Variants in NLRC5 observed in about 807,000 individuals in gnomAD.
NLRC5 encodes the protein NLR family CARD domain containing 5.
NLRC5 carries 114 observed loss-of-function variants against 206.9 expected under a neutral mutation model. The observed-to-expected ratio is 0.55, with a 90% CI of 0.47 to 0.64. The LOEUF (loss-of-function observed/expected upper bound fraction) is 0.64. Among genes scored for constraint, NLRC5 ranks in the 30% least tolerant of loss-of-function variants. NLRC5 has a pLI of 0.00. For synonymous variants in NLRC5, 952 were observed against 962.8 expected, an observed-to-expected ratio of 0.99 and a Z score of 0.21; for missense variants, 2,008 against 2,305.5, an observed-to-expected ratio of 0.87 and a Z score of 2.64.
In NLRC5 at chr16:57,070,048, A is replaced by G. The variant is rs2067462664; in HGVS notation, c.4583+129A>G. The G allele has an allele frequency of 8.8e-5, 65 of 741,044 alleles. 2 individuals carry two copies. The South Asian group carries it at 1.0e-3, about 12-fold the overall frequency. The allele number at this position is 741,044 out of a possible 1,614,324, so 45.9% of individuals were successfully genotyped here. On this transcript the variant is annotated intron_variant, in intron 37 of 48. Transcript: ENST00000688547. The stretch of plus-strand genomic sequence containing the variant: ...AATGACCCTTCCCCTGATGAAGTGC[A>G]GCAGTTCTGGGTGTGGCCTGGGGAA...
intron 38 of NLRC5, chr16:57,074,374 G>T: frequency 2.1e-6 from 1 of 469,912 alleles, no homozygotes; most frequent in South Asian, 2.6e-5. Flanking sequence ...CTTGGTCCAT[G>T]TGGTTCAGAA....
chr16:57,039,123 G>A (rs2062969606), intron 15 of NLRC5, among the ~76,000 whole-genome samples: 1 of 152,104 alleles, frequency 6.6e-6, no homozygotes, highest in African/African-American at 2.4e-5. Context: ...AAAATGGAAG[G>A]TTTGAAGGAC....
rs140406847 is a variant in NLRC5, at chr16:57,055,466, C to T, written c.3693C>T (p.His1231=). 17 of 1,613,772 alleles carry T rather than the reference C, an allele frequency of 1.1e-5. No individual in the cohort carries two copies. The highest frequency in any genetic ancestry group is 1.6e-4 in the Middle Eastern group (1 of 6,082). ...RFTGCSLSQE[H]VESLCWLLSK... is the part of the protein sequence containing the mutation. ...CAGGCTGCAGCCTCAGCCAGGAGCA[C>T]GTAGAGTCACTCTGCTGGTTGCTGA... Residue 1231 remains histidine (H), a synonymous_variant, in exon 27 of 49, where the codon CAC becomes CAT. Coordinates refer to ENST00000688547, the MANE Select transcript of NLRC5 (RefSeq NM_001384950.1).
chr16:56,993,692 A>T (rs2057239042), intron 1 of NLRC5, among the ~76,000 whole-genome samples: 1 of 152,160 alleles, frequency 6.6e-6, no homozygotes, highest in Admixed American at 6.6e-5. Flanking sequence ...CTTTTCAAAT[A>T]TTTAAGAGTC....
At chr16:57,002,806 A>G (rs1353211097) in intron 1 of NLRC5, among the ~76,000 whole-genome samples, 1 of 151,900 alleles carries the variant, frequency 6.6e-6, no homozygotes, top group African/African-American at 2.4e-5. Flanking sequence ...CACTACGCCC[A>G]GCTAATTTTT....
chr16:57,011,468 T>C (rs1263337537), intron 1 of NLRC5, among the ~76,000 whole-genome samples: 4 of 151,544 alleles, frequency 2.6e-5, no homozygotes, highest in Non-Finnish European at 5.9e-5. Flanking sequence ...ACGCCTGTAA[T>C]CCCAGCACTT....
intron 34 of NLRC5, 24 bp from the exon 35 acceptor site, chr16:57,067,363 T>G (rs1444966109): frequency 1.2e-6 from 2 of 1,607,656 alleles, no homozygotes; most frequent in African/African-American, 2.7e-5. Flanking sequence ...GTTCCAAAAC[T>G]GTCGTCTCCC....
intron 15 of NLRC5, 64 bp from the exon 16 acceptor site, chr16:57,039,717 A>G: frequency 6.8e-7 from 1 of 1,477,690 alleles, no homozygotes; most frequent in East Asian, 2.3e-5. Flanking sequence ...ACCTTCTCTC[A>G]AAAAGAAATA....
intron 16 of NLRC5, among the ~76,000 whole-genome samples, chr16:57,040,395 A>G (rs186741265): frequency 1.2e-4 from 19 of 152,340 alleles, no homozygotes; most frequent in African/African-American, 4.6e-4. Context: ...TGATAATAGC[A>G]GTCAAGGTCA....
intron 1 of NLRC5, among the ~76,000 whole-genome samples, chr16:57,006,436 T>TTTTG (rs2058920245): frequency 7.6e-6 from 1 of 131,764 alleles, no homozygotes; most frequent in African/African-American, 3.0e-5. Context: ...TTTTTTTTTT[T>TTTTG]GAGACAGGGT....
In NLRC5 at chr16:57,077,345, A is replaced by G; in HGVS notation, c.4885A>G (p.Ile1629Val). The G allele has an allele frequency of 1.2e-6, 2 of 1,614,040 alleles. No individual in the cohort carries two copies. The highest frequency in any genetic ancestry group is 1.7e-6 in the Non-Finnish European group (2 of 1,179,996). Residue 1629 changes from isoleucine (I) to valine (V), a missense_variant, in exon 41 of 49, where the codon ATC becomes GTC. Transcript: ENST00000688547. ...CGCTGGTGTCCAGCACTTAGCTACC[A>G]TCCTGCCTGGGCTGCCAGAGCTCAG... Reference protein sequence around the residue: ...GDAGVQHLATILPGLPELRKI... With the variant: ...GDAGVQHLATVLPGLPELRKI...
chr16:57,049,047 G>T (rs1225993240), intron 23 of NLRC5, among the ~76,000 whole-genome samples: 1 of 151,358 alleles, frequency 6.6e-6, no homozygotes, highest in East Asian at 1.9e-4. Context: ...ATTGGAAGAA[G>T]AAAAAGAATT....
At chr16:57,027,140 G>A in intron 6 of NLRC5, 122 bp downstream of exon 6, 3 of 1,174,784 alleles carry the variant, frequency 2.6e-6, no homozygotes, top group Admixed American at 5.3e-5. Context: ...GAACATAATG[G>A]CCTGCAATGC....
At position 57,045,836 on chromosome 16, in the gene NLRC5, C is replaced by CCCA. The variant is rs1240760907; in HGVS notation, c.3248+347_3248+349dup. ...TCTGCGTTTCGGGGAATTTTGTAGA[C>CCCA]CCACCGCTCCATACATGTCACTGCC... On this transcript the variant is annotated intron_variant, in intron 21 of 48. Coordinates refer to ENST00000688547, the MANE Select transcript of NLRC5 (RefSeq NM_001384950.1). Among the ~76,000 whole-genome samples, 4 of 152,328 alleles carry CCCA rather than the reference C, an allele frequency of 2.6e-5. No homozygotes were observed. In the East Asian group the frequency reaches 7.7e-4, roughly 29 times the overall value.
chr16:57,023,752 C>T (rs376200791), intron 4 of NLRC5, 33 bp from the exon 5 acceptor site: 1 of 1,590,206 alleles, frequency 6.3e-7, no homozygotes, highest in Non-Finnish European at 8.6e-7. Flanking sequence ...ATCCCCAGAC[C>T]CCACTCCTCC....
rs188032480 is a variant in NLRC5 at position 57,081,488 on chromosome 16, G to A, written c.5406-39G>A. ...AACTCTCACACCCATTCTCATGGCC[G>A]TGTTTCTCTTTCCCCTCCCCTCACT... On this transcript the variant is annotated intron_variant, in intron 47 of 48. Coordinates refer to ENST00000688547, the MANE Select transcript of NLRC5 (RefSeq NM_001384950.1). 3.9e-5 allele frequency: 62 copies of A among 1,588,052 alleles called. No individual in the cohort carries two copies. The African/African-American group carries it at 5.0e-4, about 13-fold the overall frequency.
intron 30 of NLRC5, among the ~76,000 whole-genome samples, chr16:57,060,201 AG>A (rs1427724226): frequency 3.3e-5 from 5 of 151,722 alleles, no homozygotes; most frequent in Non-Finnish European, 5.9e-5. Context: ...CAGCCCCCAG[AG>A]GGATCTTCAC....
intron 1 of NLRC5, among the ~76,000 whole-genome samples, chr16:57,012,000 TG>T (rs1372845587): frequency 6.6e-6 from 1 of 152,228 alleles, no homozygotes; most frequent in East Asian, 1.9e-4. Context: ...AATCTGGTTT[TG>T]GGACATTTTC....
chr16:56,996,795 A>T (rs1462022071), intron 1 of NLRC5, among the ~76,000 whole-genome samples: 6 of 152,254 alleles, frequency 3.9e-5, no homozygotes, highest in African/African-American at 1.4e-4. Flanking sequence ...TAGTTTTAAA[A>T]GACGACCATT....
Sources: allele counts gnomAD v4.1 joint callset (sites outside exome capture counted in the v4.1 genomes callset), GRCh38; gene constraint gnomAD v4.1.1; transcripts MANE v1.5; gene names NCBI Gene and HGNC (gene_info 2026-07-23, HGNC 2026-07-21).